Variants in CDH2 observed in about 807,000 individuals in gnomAD.
CDH2 encodes the protein cadherin-2.
A neutral mutation model predicts 92.0 loss-of-function variants in CDH2; 17 were observed. The observed-to-expected ratio is 0.18, with a 90% CI of 0.13 to 0.28. The LOEUF is 0.28. Among genes scored for constraint, CDH2 ranks in the 10% least tolerant of loss-of-function variants. The pLI is 1.00. For synonymous variants in CDH2, 419 were observed against 415.9 expected (o/e 1.01, Z -0.09); for missense variants, 862 against 1,133.1 (o/e 0.76, Z 3.44).
At chr18:28,172,288 G>A (rs894810043) in intron 1 of CDH2, among the ~76,000 whole-genome samples, 1 of 151,986 alleles carries the variant, frequency 6.6e-6, no homozygotes. Context: ...CTTTCAAAAA[G>A]TCCCATTTAG....
At chr18:28,043,471 T>TATATAA (rs2013996167) in intron 2 of CDH2, among the ~76,000 whole-genome samples, 1 of 66,974 alleles carries the variant, frequency 1.5e-5, no homozygotes, top group African/African-American at 5.7e-5. Context: ...AATATATATA[T>TATATAA]ATATATATAT....
intron 4 of CDH2, among the ~76,000 whole-genome samples, chr18:28,011,397 A>G (rs946747808): frequency 7.9e-5 from 12 of 152,078 alleles, no homozygotes; most frequent in Admixed American, 2.0e-4. Flanking sequence ...TTCTTTAAAA[A>G]ACTCTCAAAT....
chr18:28,101,810 G>T (rs2015231585), intron 2 of CDH2, among the ~76,000 whole-genome samples: 1 of 151,894 alleles, frequency 6.6e-6, no homozygotes, highest in Admixed American at 6.6e-5. Context: ...GATTGCTTAA[G>T]AATTCCAAAT....
intron 10 of CDH2, among the ~76,000 whole-genome samples, chr18:27,989,449 G>T (rs907475695): frequency 6.6e-6 from 1 of 152,072 alleles, no homozygotes; most frequent in Non-Finnish European, 1.5e-5. Context: ...TTTAATAAAA[G>T]ATAACAATAG....
At chr18:28,060,930 G>A (rs900870087) in intron 2 of CDH2, among the ~76,000 whole-genome samples, 2 of 152,090 alleles carry the variant, frequency 1.3e-5, no homozygotes, top group Admixed American at 1.3e-4. Context: ...AAATCATTTT[G>A]CTACTTCTCA....
intron 2 of CDH2, among the ~76,000 whole-genome samples, chr18:28,066,534 A>G (rs2014510549): frequency 6.6e-6 from 1 of 152,048 alleles, no homozygotes; most frequent in Non-Finnish European, 1.5e-5. Context: ...TCAAAGGCAA[A>G]ACTCTCCTTT....
intron 2 of CDH2, among the ~76,000 whole-genome samples, chr18:28,081,110 G>C (rs1321276769): frequency 1.3e-5 from 2 of 152,142 alleles, no homozygotes; most frequent in East Asian, 3.9e-4. Flanking sequence ...CTGACTTCCT[G>C]TACACCACAG....
At chr18:27,966,635 T>G (rs2011540387) in intron 14 of CDH2, among the ~76,000 whole-genome samples, 1 of 152,198 alleles carries the variant, frequency 6.6e-6, no homozygotes, top group African/African-American at 2.4e-5. Context: ...TGACAACAAT[T>G]TGCTACAGCT....
chr18:28,157,332 A>G (rs1006376603), intron 1 of CDH2, among the ~76,000 whole-genome samples: 8 of 152,224 alleles, frequency 5.3e-5, no homozygotes, highest in Non-Finnish European at 7.3e-5. Context: ...AAGACACTCA[A>G]TATCAGTGAC....
At chr18:28,170,486 C>T (rs1417959980) in intron 1 of CDH2, among the ~76,000 whole-genome samples, 4 of 152,140 alleles carry the variant, frequency 2.6e-5, no homozygotes, top group Admixed American at 6.5e-5. Flanking sequence ...CCTAAGATTA[C>T]GGGTGCCTAC....
chr18:28,090,859 A>G (rs1282153398), intron 2 of CDH2, among the ~76,000 whole-genome samples: 3 of 152,186 alleles, frequency 2.0e-5, no homozygotes, highest in Admixed American at 6.5e-5. Flanking sequence ...AAGAAAAAAT[A>G]ATCCTTTTAT....
intron 2 of CDH2, among the ~76,000 whole-genome samples, chr18:28,048,744 G>A (rs1279506870): frequency 6.6e-6 from 1 of 152,086 alleles, no homozygotes; most frequent in Non-Finnish European, 1.5e-5. Context: ...CTTTACTTCA[G>A]AACAGGCAAA....
intron 1 of CDH2, among the ~76,000 whole-genome samples, chr18:28,175,362 G>C (rs913162258): frequency 6.6e-6 from 1 of 152,182 alleles, no homozygotes; most frequent in Admixed American, 6.5e-5. Flanking sequence ...GGAGACTAAA[G>C]AACAAAAGAA....
At chr18:28,175,802 G>A (rs1047785744) in intron 1 of CDH2, among the ~76,000 whole-genome samples, 1 of 152,228 alleles carries the variant, frequency 6.6e-6, no homozygotes, top group Non-Finnish European at 1.5e-5. Context: ...ACAGGCAGGG[G>A]GACCCTCCGT....
At chr18:27,982,722 G>A in intron 14 of CDH2, among the ~76,000 whole-genome samples, 1 of 150,234 alleles carries the variant, frequency 6.7e-6, no homozygotes, top group Admixed American at 6.6e-5. Flanking sequence ...TAAAGCCTTT[G>A]AAACAAGGTG....
chr18:28,061,737 G>T (rs762791879), intron 2 of CDH2, among the ~76,000 whole-genome samples: 13 of 152,186 alleles, frequency 8.5e-5, no homozygotes, highest in Non-Finnish European at 1.6e-4. Context: ...AGTTCAACAT[G>T]GCTGGGGAGG....
chr18:28,106,472 A>AG (rs1234303973), intron 2 of CDH2, among the ~76,000 whole-genome samples: 1 of 52,504 alleles, frequency 1.9e-5, no homozygotes, highest in Non-Finnish European at 4.4e-5. Context: ...AACTTACCAG[A>AG]GTTTTTTTTT....
chr18:28,176,247 G>C (rs2016539052), intron 1 of CDH2, among the ~76,000 whole-genome samples: 1 of 152,220 alleles, frequency 6.6e-6, no homozygotes, highest in Non-Finnish European at 1.5e-5. Flanking sequence ...GAGCAGCCGC[G>C]TAACGGAACT....
At chr18:27,937,742 G>T (rs904085356) in intron 6 of CDH2, among the ~76,000 whole-genome samples, 3 of 152,140 alleles carry the variant, frequency 2.0e-5, no homozygotes, top group Admixed American at 6.5e-5. Context: ...GACATAAATT[G>T]AACTAATGGT....
Sources: gnomAD v4.1 joint callset for allele counts (sites outside exome capture counted in the v4.1 genomes callset) on GRCh38, gnomAD v4.1.1 for gene constraint, MANE v1.5 for transcripts, NCBI Gene and HGNC (gene_info 2026-07-23, HGNC 2026-07-21) for gene names.